The following CLTCL1 variants were observed in gnomAD, a reference collection of about 807,000 sequenced individuals.
The protein encoded by CLTCL1 is clathrin heavy chain 2.
In CLTCL1, 159 loss-of-function variants were observed where a neutral mutation model predicts 190.0. The observed-to-expected ratio is 0.84, with a 90% CI of 0.74 to 0.95. The LOEUF (loss-of-function observed/expected upper bound fraction) is 0.95. CLTCL1 is among the 40% of genes least tolerant of loss of function. The pLI, the probability that CLTCL1 is intolerant of heterozygous loss-of-function variation, is 0.00. For missense variants in CLTCL1, 1,878 were observed against 2,033.4 expected, an observed-to-expected ratio of 0.92 and a Z score of 1.47; for synonymous variants, 752 against 769.6, an observed-to-expected ratio of 0.98 and a Z score of 0.38.
intron 2 of CLTCL1, among the ~76,000 whole-genome samples, chr22:19,269,678 A>G (rs1167059452): frequency 1.3e-5 from 2 of 152,176 alleles, no homozygotes; most frequent in East Asian, 3.9e-4. Context: ...AAACTAACAC[A>G]GGAACAGAAA....
intron 19 of CLTCL1, 89 bp from the exon 20 acceptor site, chr22:19,210,598 GT>G (rs2085189178): frequency 1.8e-6 from 2 of 1,128,566 alleles, no homozygotes; most frequent in Non-Finnish European, 2.5e-6. Flanking sequence ...CAGACCCCCA[GT>G]TTTTTTAAAA....
chr22:19,234,506 C>T lies in CLTCL1; in HGVS notation c.1167+3G>A. On this transcript the variant is annotated splice_donor_region_variant and intron_variant, in intron 7 of 32. Coordinates refer to ENST00000427926, the MANE Select transcript of CLTCL1 (RefSeq NM_007098.4). ...CACTTGAACAGTATTCAAGGTTTATCACCTTTGGTGCAGACGCTGCAACTT... is the reference window on the plus strand; with the variant it reads ...CACTTGAACAGTATTCAAGGTTTATTACCTTTGGTGCAGACGCTGCAACTT... 1 of 1,609,276 alleles carries T rather than the reference C, an allele frequency of 6.2e-7. No homozygotes were observed.
intron 11 of CLTCL1, among the ~76,000 whole-genome samples, chr22:19,227,865 T>C (rs797042505): frequency 1.4e-4 from 22 of 152,322 alleles, no homozygotes; most frequent in African/African-American, 5.3e-4. Flanking sequence ...GCTGGGGTTA[T>C]AGGCGCGAGC....
chr22:19,233,272 G>A lies in CLTCL1; in HGVS notation c.1415C>T (p.Pro472Leu). The A allele has an allele frequency of 6.2e-7, 1 of 1,613,872 alleles. No homozygotes were observed. The highest frequency in any genetic ancestry group is 8.5e-7 in the Non-Finnish European group (1 of 1,179,774). ...AAGGTACACACTCAGAGCGAGCATGGGGTCAGTGGTTTTGACCAAGTCTCC... is the reference window on the plus strand; with the variant it reads ...AAGGTACACACTCAGAGCGAGCATGAGGTCAGTGGTTTTGACCAAGTCTCC... ...ELGDLVKTTD[P>L]MLALSVYLRA... Residue 472 changes from proline (P) to leucine (L), a missense_variant, in exon 9 of 33, where the codon CCC (proline) becomes CTC (leucine). Physicochemically the swap from Pro to Leu is moderately conservative, Grantham distance 98. Coordinates refer to ENST00000427926, the MANE Select transcript of CLTCL1 (RefSeq NM_007098.4).
At chr22:19,278,412 G>A (rs2087591467) in intron 1 of CLTCL1, among the ~76,000 whole-genome samples, 1 of 152,116 alleles carries the variant, frequency 6.6e-6, no homozygotes, top group South Asian at 2.1e-4. Flanking sequence ...GAAGCCCAGG[G>A]CACAGAGCCC....
intron 3 of CLTCL1, among the ~76,000 whole-genome samples, chr22:19,251,245 T>C (rs528912033): frequency 1.3e-5 from 2 of 152,154 alleles, no homozygotes; most frequent in East Asian, 3.9e-4. Context: ...ATTAATGAGA[T>C]TGCTTTCCTG....
chr22:19,184,059 CT>C, intron 29 of CLTCL1: 1 of 258,986 alleles, frequency 3.9e-6, no homozygotes, highest in Non-Finnish European at 7.6e-6. Flanking sequence ...TCAAAAACCC[CT>C]AACTGCTATT....
rs78735431 is a variant in CLTCL1 at position 19,201,366 on chromosome 22, T to C, written c.3728A>G (p.Asn1243Ser). ...CCGGGTGCTGCTGGCCTTGCGGCTG[T>C]TGTCCACTGCTGCCTGATACTCACC... Reference protein sequence around the residue: ...HLGEYQAAVDNSRKASSTRTW... With the variant: ...HLGEYQAAVDSSRKASSTRTW... The change falls in exon 23 of 33, where the codon AAC becomes AGC. Residue 1243 changes from asparagine to serine, a missense_variant. By Grantham distance (46) the Asn-to-Ser change is conservative (BLOSUM62 1). Coordinates refer to ENST00000427926, the MANE Select transcript of CLTCL1 (RefSeq NM_007098.4). The C allele has an allele frequency of 1.2e-6, 2 of 1,612,544 alleles. No individual in the cohort carries two copies. Among genetic ancestry groups the C allele is most frequent in the Non-Finnish European group, 1.7e-6 (2 of 1,179,698 alleles).
rs367807314 is a variant in CLTCL1, at chr22:19,208,983, G to C, written c.3381C>G (p.Ser1127=). Residue 1127 remains serine, a synonymous_variant, in exon 21 of 33, where the codon TCC becomes TCG. Transcript: ENST00000427926. ...AGGAAGGGTCGTCCCCTCTGATATAGGAGTTGATGGCTTCCTTCACCAAAT... is the reference window on the plus strand; with the variant it reads ...AGGAAGGGTCGTCCCCTCTGATATACGAGTTGATGGCTTCCTTCACCAAAT... ...QKDLVKEAIN[S]YIRGDDPSSY... 8.8e-5 allele frequency: 142 copies of C among 1,612,082 alleles called. No homozygotes were observed. The African/African-American group carries it at 1.8e-3, about 20-fold the overall frequency.
At chr22:19,241,941 CT>C (rs35692303) in intron 4 of CLTCL1, among the ~76,000 whole-genome samples, 18,749 of 138,956 alleles carry the variant, frequency 0.13, 1,580 homozygotes, top group African/African-American at 0.26. Context: ...CCTCATCTAC[CT>C]TTTTTTTTTT....
At position 19,216,119 on chromosome 22, in the gene CLTCL1, G is replaced by A. The variant is rs116163387; in HGVS notation, c.3057C>T (p.Ser1019=). The A allele has an allele frequency of 2.7e-4, 440 of 1,613,554 alleles. No homozygotes were observed. The African/African-American group carries it at 3.9e-3, about 14-fold the overall frequency. The change falls in exon 19 of 33, where the codon AGC becomes AGT. Residue 1019 remains serine, a synonymous_variant. Coordinates refer to ENST00000427926, the MANE Select transcript of CLTCL1 (RefSeq NM_007098.4). ...EKIVLDNSVF[S]EHRNLQNLLI... ...CCCTGGCATAGCCTCACCTGTGCTCGCTGAAGACAGAGTTATCCAGAACTA... is the reference window on the plus strand; with the variant it reads ...CCCTGGCATAGCCTCACCTGTGCTCACTGAAGACAGAGTTATCCAGAACTA...
At chr22:19,287,887 G>A (rs2087963426) in intron 1 of CLTCL1, among the ~76,000 whole-genome samples, 1 of 152,168 alleles carries the variant, frequency 6.6e-6, no homozygotes, top group African/African-American at 2.4e-5. Context: ...TGTCACAATG[G>A]CAGCAACAGC....
chr22:19,183,272 C>T, intron 30 of CLTCL1, 118 bp downstream of exon 30: 1 of 811,744 alleles, frequency 1.2e-6, no homozygotes. Context: ...CCAGGGCTGG[C>T]TGGGGAATCT....
rs188650310 is a variant in CLTCL1 at position 19,228,147 on chromosome 22, T to C, written c.1782+1691A>G. 6.6e-5 allele frequency among the ~76,000 whole-genome samples: 10 copies of C among 152,254 alleles called. No homozygotes were observed. The East Asian group carries it at 1.9e-3, about 29-fold the overall frequency. ...GACCACTTCAGAGTGATGCACAGAGTTGACGATCAAACACAGTACTAAGAG... is the reference window on the plus strand; with the variant it reads ...GACCACTTCAGAGTGATGCACAGAGCTGACGATCAAACACAGTACTAAGAG... On this transcript the variant is annotated intron_variant, in intron 11 of 32. Transcript: ENST00000427926.
In CLTCL1 at chr22:19,218,545, G is replaced by A. The variant is rs782776159; in HGVS notation, c.2919+1340C>T. On this transcript the variant is annotated intron_variant, in intron 18 of 32. Coordinates refer to ENST00000427926, the MANE Select transcript of CLTCL1 (RefSeq NM_007098.4). ...GTCAAATCCAGCCCTCAAGCCTTTC[G>A]AAAGCACTGGTCCAGCAGGTTGGCA... Among the ~76,000 whole-genome samples, 7 of 152,184 alleles carry A rather than the reference G, an allele frequency of 4.6e-5. No individual in the cohort carries two copies. The South Asian group carries it at 6.2e-4, about 13-fold the overall frequency.
intron 4 of CLTCL1, among the ~76,000 whole-genome samples, chr22:19,240,734 T>C (rs1174344682): frequency 6.6e-6 from 1 of 152,080 alleles, no homozygotes; most frequent in African/African-American, 2.4e-5. Flanking sequence ...AAAGGGTAAG[T>C]CAGATGTGGG....
At chr22:19,194,088 T>C (rs1325040592) in intron 26 of CLTCL1, among the ~76,000 whole-genome samples, 1 of 152,138 alleles carries the variant, frequency 6.6e-6, no homozygotes, top group Non-Finnish European at 1.5e-5. Flanking sequence ...GATTGGCCCA[T>C]TTTACAGAGT....
intron 22 of CLTCL1, among the ~76,000 whole-genome samples, chr22:19,205,929 G>GTT (rs11459393): frequency 0.01 from 1,488 of 145,208 alleles, 19 homozygotes; most frequent in African/African-American, 0.03. Context: ...TCCAACCATT[G>GTT]TTTTTTTTTT....
chr22:19,217,945 C>T (rs1161419685), intron 18 of CLTCL1, among the ~76,000 whole-genome samples: 1 of 152,084 alleles, frequency 6.6e-6, no homozygotes, highest in Non-Finnish European at 1.5e-5. Flanking sequence ...TTTCTACCAT[C>T]TGTTTGAGTC....
Sources: allele counts gnomAD v4.1 joint callset (sites outside exome capture counted in the v4.1 genomes callset), GRCh38; gene constraint gnomAD v4.1.1; transcripts MANE v1.5; gene names NCBI Gene and HGNC (gene_info 2026-07-23, HGNC 2026-07-21).